EPHB1: variants seen among roughly 807,000 people sequenced by gnomAD.
EPHB1 encodes the protein ephrin type-B receptor 1.
EPHB1 carries 30 observed loss-of-function variants against 94.4 expected under a neutral mutation model. The observed-to-expected ratio is 0.32, with a 90% CI of 0.24 to 0.43. The LOEUF (loss-of-function observed/expected upper bound fraction) is 0.43. Ranked by LOEUF, EPHB1 falls within the 20% of genes least tolerant of loss-of-function variation. The pLI is 1.00. For missense variants in EPHB1, 1,055 were observed against 1,308.3 expected, an observed-to-expected ratio of 0.81 and a Z score of 2.99; for synonymous variants, 522 against 489.1, an observed-to-expected ratio of 1.07 and a Z score of -0.89.
Position 135,090,457 on chromosome 3 carries a change from A to G in EPHB1, c.806-15991A>G, listed in dbSNP as rs573553618. Among the ~76,000 whole-genome samples, 225 of 152,368 alleles carry G rather than the reference A, an allele frequency of 1.5e-3. 1 individual carries two copies. Among genetic ancestry groups the G allele is most frequent in the Non-Finnish European group, 2.4e-3 (161 of 68,030 alleles). ...ACTTGGAGAATCTTTTGGAATGACTATAACCTTATTTCAATATTGGTTATT... is the reference window on the plus strand; with the variant it reads ...ACTTGGAGAATCTTTTGGAATGACTGTAACCTTATTTCAATATTGGTTATT... On this transcript the variant is annotated intron_variant, in intron 3 of 15. Transcript: ENST00000398015.
intron 3 of EPHB1, among the ~76,000 whole-genome samples, chr3:135,099,182 A>G (rs1348284780): frequency 6.6e-6 from 1 of 152,170 alleles, no homozygotes; most frequent in Non-Finnish European, 1.5e-5. Context: ...CACTCACTCA[A>G]TTAGCCGTAG....
chr3:135,190,953 G>C (rs894156669), intron 10 of EPHB1, among the ~76,000 whole-genome samples: 2 of 152,158 alleles, frequency 1.3e-5, no homozygotes, highest in South Asian at 2.1e-4. Flanking sequence ...GTGAAAAGCA[G>C]TGTTGCAGCC....
At chr3:135,134,836 T>G (rs1212601020) in intron 5 of EPHB1, among the ~76,000 whole-genome samples, 1 of 152,150 alleles carries the variant, frequency 6.6e-6, no homozygotes, top group African/African-American at 2.4e-5. Context: ...GTCTTTTCTC[T>G]CTCTCTAAGC....
chr3:135,201,370 C>T (rs1345088552), intron 11 of EPHB1, 104 bp from the exon 12 acceptor site: 1 of 1,172,372 alleles, frequency 8.5e-7, no homozygotes. Context: ...GTGGCTTGGC[C>T]TGGAGCAGAC....
intron 3 of EPHB1, among the ~76,000 whole-genome samples, chr3:135,088,638 T>C (rs1938444677): frequency 6.6e-6 from 1 of 152,194 alleles, no homozygotes; most frequent in East Asian, 1.9e-4. Flanking sequence ...CATGTCTACT[T>C]TTCAGCCAGC....
intron 3 of EPHB1, among the ~76,000 whole-genome samples, chr3:135,032,622 G>A (rs1936515050): frequency 6.6e-6 from 1 of 152,190 alleles, no homozygotes; most frequent in African/African-American, 2.4e-5. Context: ...CTATGTGAGT[G>A]GCGGGGGCTG....
intron 1 of EPHB1, among the ~76,000 whole-genome samples, chr3:134,813,971 C>T (rs1560245040): frequency 6.6e-6 from 1 of 152,210 alleles, no homozygotes. Flanking sequence ...CTGAGAAAAG[C>T]AGGCACCCCC....
chr3:135,099,489 G>T (rs1460641710), intron 3 of EPHB1, among the ~76,000 whole-genome samples: 2 of 152,210 alleles, frequency 1.3e-5, no homozygotes, highest in Non-Finnish European at 2.9e-5. Flanking sequence ...ATGTCCTGGG[G>T]CTGTTCAGGA....
intron 3 of EPHB1, among the ~76,000 whole-genome samples, chr3:134,955,071 C>CTTTTTTTTTTTTTTTTT (rs1197013147): frequency 8.3e-4 from 7 of 8,410 alleles, no homozygotes; most frequent in Non-Finnish European, 1.5e-3. Context: ...GACATCCTTT[C>CTTTTTTTTTTTTTTTTT]TTTTTTTTTT....
rs1485990539 is a variant in EPHB1, at chr3:134,816,169, A to T, written c.58+20480A>T. Reference sequence around the variant, plus strand: ...GTGATCTCGGCTCACTGCAATCTCCACGTCTTGGGTTCAAGCGATTCTCAT... The same window carrying T: ...GTGATCTCGGCTCACTGCAATCTCCTCGTCTTGGGTTCAAGCGATTCTCAT... On this transcript the variant is annotated intron_variant, in intron 1 of 15. Coordinates refer to ENST00000398015, the MANE Select transcript of EPHB1 (RefSeq NM_004441.5). 3.7e-5 allele frequency among the ~76,000 whole-genome samples: 5 copies of T among 133,802 alleles called. No individual in the cohort carries two copies. In the East Asian group the frequency reaches 1.1e-3, roughly 29 times the overall value. 87.8% of individuals were successfully genotyped at this position (133,802 alleles called of 152,430 possible). A position where few individuals can be genotyped will look rare whatever the true frequency, so the allele number is the denominator to read the frequency against.
chr3:134,904,892 C>A (rs190481416), intron 1 of EPHB1, among the ~76,000 whole-genome samples: 1 of 152,200 alleles, frequency 6.6e-6, no homozygotes, highest in East Asian at 1.9e-4. Flanking sequence ...CTATGCCTAG[C>A]TCTTTTACTT....
chr3:134,943,791 G>T (rs2039166154), intron 2 of EPHB1, among the ~76,000 whole-genome samples: 1 of 152,078 alleles, frequency 6.6e-6, no homozygotes, highest in South Asian at 2.1e-4. Context: ...GGGATAAAGG[G>T]GTAAGAAGGT....
intron 2 of EPHB1, among the ~76,000 whole-genome samples, chr3:134,942,060 G>A (rs1389509526): frequency 6.6e-6 from 1 of 152,180 alleles, no homozygotes; most frequent in Non-Finnish European, 1.5e-5. Flanking sequence ...TCTTTCAAAG[G>A]CAGTTAATAA....
intron 3 of EPHB1, among the ~76,000 whole-genome samples, chr3:135,061,684 T>A (rs749350600): frequency 6.6e-6 from 1 of 151,936 alleles, no homozygotes; most frequent in Non-Finnish European, 1.5e-5. Context: ...TCCATGTGGG[T>A]GTGCTGCACC....
chr3:135,033,319 G>T (rs542307626), intron 3 of EPHB1, among the ~76,000 whole-genome samples: 1 of 152,296 alleles, frequency 6.6e-6, no homozygotes, highest in South Asian at 2.1e-4. Flanking sequence ...CATGCACCTT[G>T]TGTGGAAGGT....
intron 11 of EPHB1, among the ~76,000 whole-genome samples, chr3:135,193,560 G>C (rs1314538641): frequency 6.6e-6 from 1 of 152,214 alleles, no homozygotes; most frequent in African/African-American, 2.4e-5. Flanking sequence ...GAAGCTGATA[G>C]CTTCAGCCAG....
intron 1 of EPHB1, among the ~76,000 whole-genome samples, chr3:134,908,756 GGGA>G (rs2038389015): frequency 6.6e-6 from 1 of 152,104 alleles, no homozygotes; most frequent in Non-Finnish European, 1.5e-5. Context: ...GGTGAGGAGG[GGGA>G]GGAGGAGGAA....
At chr3:134,960,328 T>C (rs1457562) in intron 3 of EPHB1, among the ~76,000 whole-genome samples, 74,789 of 151,502 alleles carry the variant, frequency 0.49, 19,224 homozygotes, top group African/African-American at 0.63. Flanking sequence ...AACAGGTCTT[T>C]GACAGGCATG....
intron 1 of EPHB1, among the ~76,000 whole-genome samples, chr3:134,797,459 C>T (rs1230509172): frequency 6.6e-6 from 1 of 152,220 alleles, no homozygotes; most frequent in Non-Finnish European, 1.5e-5. Context: ...GAGGCTCGGT[C>T]CGGCCCGCGG....
Sources: allele counts gnomAD v4.1 joint callset (sites outside exome capture counted in the v4.1 genomes callset), GRCh38; gene constraint gnomAD v4.1.1; transcripts MANE v1.5; gene names NCBI Gene and HGNC (gene_info 2026-07-23, HGNC 2026-07-21).